NCOA1: variants seen among roughly 807,000 people sequenced by gnomAD.
NCOA1 encodes nuclear receptor coactivator 1.
In NCOA1, 35 loss-of-function variants were observed where a neutral mutation model predicts 150.9. The ratio of observed to expected loss-of-function variants is 0.23; its 90% CI spans 0.18 to 0.31. NCOA1 has a LOEUF of 0.31. Ranked by LOEUF, NCOA1 falls within the 10% of genes least tolerant of loss-of-function variation. The pLI, the probability that NCOA1 is intolerant of heterozygous loss-of-function variation, is 1.00. For synonymous variants in NCOA1, 590 were observed against 630.0 expected, an observed-to-expected ratio of 0.94 and a Z score of 0.95; for missense variants, 1,491 against 1,749.3, an observed-to-expected ratio of 0.85 and a Z score of 2.63.
At chr2:24,666,249 C>T (rs980944217) in intron 6 of NCOA1, among the ~76,000 whole-genome samples, 18 of 151,950 alleles carry the variant, frequency 1.2e-4, no homozygotes, top group Non-Finnish European at 1.9e-4. Context: ...CTCCTGACCT[C>T]GTGATCCGCC....
intron 1 of NCOA1, among the ~76,000 whole-genome samples, chr2:24,519,720 G>A (rs1664346102): frequency 6.6e-6 from 1 of 151,720 alleles, no homozygotes; most frequent in African/African-American, 2.4e-5. Context: ...GCATAGTCTC[G>A]GGAGGCTGAG....
chr2:24,593,473 A>C (rs1667742778), intron 3 of NCOA1, among the ~76,000 whole-genome samples: 1 of 152,084 alleles, frequency 6.6e-6, no homozygotes, highest in Non-Finnish European at 1.5e-5. Context: ...TGTGAAAGGA[A>C]ACTCCAAATG....
chr2:24,608,245 CCTATTATTA>C (rs1201754304), intron 3 of NCOA1, among the ~76,000 whole-genome samples: 18 of 127,550 alleles, frequency 1.4e-4, no homozygotes. Context: ...ACCCAGTTCC[CCTATTATTA>C]TTATTATTAT....
At chr2:24,505,703 T>C (rs1421952718) in intron 1 of NCOA1, among the ~76,000 whole-genome samples, 1 of 152,142 alleles carries the variant, frequency 6.6e-6, no homozygotes, top group Non-Finnish European at 1.5e-5. Context: ...GCCCAAGGGA[T>C]GGGCATGTGA....
intron 17 of NCOA1, 99 bp from the exon 18 acceptor site, chr2:24,739,333 A>G: frequency 1.1e-6 from 1 of 873,374 alleles, no homozygotes; most frequent in Non-Finnish European, 1.8e-6. Flanking sequence ...CTGCAACACT[A>G]AAACTTTTTA....
At chr2:24,675,862 G>A (rs759815322) in intron 7 of NCOA1, among the ~76,000 whole-genome samples, 17 of 152,124 alleles carry the variant, frequency 1.1e-4, no homozygotes, top group East Asian at 1.9e-4. Context: ...TCCAGCCTGC[G>A]CAACAGAGTG....
At chr2:24,628,819 G>A (rs1013354871) in intron 3 of NCOA1, among the ~76,000 whole-genome samples, 1 of 152,186 alleles carries the variant, frequency 6.6e-6, no homozygotes, top group Non-Finnish European at 1.5e-5. Flanking sequence ...GGGAATAGGA[G>A]AAACTTTTAG....
At chr2:24,711,606 C>T (rs1204753303) in intron 14 of NCOA1, 4 of 152,300 alleles carry the variant, frequency 2.6e-5, no homozygotes, top group African/African-American at 7.2e-5. Context: ...CCAACATTTC[C>T]CAAACTTTCC....
At chr2:24,524,782 G>A (rs950948079) in intron 1 of NCOA1, among the ~76,000 whole-genome samples, 2 of 151,838 alleles carry the variant, frequency 1.3e-5, no homozygotes, top group Non-Finnish European at 2.9e-5. Context: ...TAATTTTTTG[G>A]TAATTTTGAT....
intron 17 of NCOA1, among the ~76,000 whole-genome samples, chr2:24,730,429 A>G (rs1662945147): frequency 6.6e-6 from 1 of 152,242 alleles, no homozygotes. Context: ...GGGGAACATC[A>G]TACAATTATT....
At chr2:24,566,944 G>A (rs1666537094) in intron 2 of NCOA1, among the ~76,000 whole-genome samples, 1 of 152,208 alleles carries the variant, frequency 6.6e-6, no homozygotes, top group East Asian at 1.9e-4. Flanking sequence ...AGAAGTCTGG[G>A]TCCACAGTGG....
At chr2:24,609,425 T>C (rs1668522414) in intron 3 of NCOA1, among the ~76,000 whole-genome samples, 2 of 152,352 alleles carry the variant, frequency 1.3e-5, no homozygotes, top group South Asian at 4.1e-4. Flanking sequence ...TATTATTTTC[T>C]TTCTTGATCT....
intron 8 of NCOA1, among the ~76,000 whole-genome samples, chr2:24,687,447 C>G (rs1672459981): frequency 6.6e-6 from 1 of 151,580 alleles, no homozygotes; most frequent in Non-Finnish European, 1.5e-5. Flanking sequence ...GTTTGTTGTA[C>G]AGATTATTTC....
At chr2:24,687,809 G>A (rs1181355775) in intron 8 of NCOA1, among the ~76,000 whole-genome samples, 1 of 152,140 alleles carries the variant, frequency 6.6e-6, no homozygotes, top group African/African-American at 2.4e-5. Context: ...TACAGTTTGA[G>A]ATGAGATTTG....
intron 11 of NCOA1, among the ~76,000 whole-genome samples, chr2:24,703,026 G>A (rs765870372): frequency 1.3e-5 from 2 of 152,102 alleles, no homozygotes; most frequent in African/African-American, 2.4e-5. Context: ...TGGAAGCTGC[G>A]TATTTGTTGG....
intron 14 of NCOA1, among the ~76,000 whole-genome samples, chr2:24,712,772 A>C (rs755975513): frequency 4.9e-4 from 74 of 152,244 alleles, no homozygotes; most frequent in Middle Eastern, 6.8e-3. Flanking sequence ...CTTGGAAATT[A>C]GGTATCCAAC....
At chr2:24,507,435 G>GTTTTTTTTTTTTTTTTTTTTTTT (rs10651704) in intron 1 of NCOA1, among the ~76,000 whole-genome samples, 1 of 126,526 alleles carries the variant, frequency 7.9e-6, no homozygotes, top group Non-Finnish European at 1.6e-5. Flanking sequence ...GAGCTGCTGG[G>GTTTTTTTTTTTTTTTTTTTTTTT]TTTTTTTTTT....
Position 24,691,588 on chromosome 2 carries a change from G to C in NCOA1, c.640G>C (p.Ala214Pro). ...TGAGCCAGGGACCGAGAACCAAGAA[G>C]CTTGCCAGCGTTATGAAGTAATGCA... ...PDEPGTENQE[A>P]CQRYEVMQCF... Residue 214 changes from alanine (A) to proline (P), a missense_variant, in exon 9 of 23, where the codon GCT (alanine) becomes CCT (proline). Ala to Pro is a conservative substitution (Grantham distance 27, BLOSUM62 -1). Around this residue, in one of 8 missense-constraint regions of NCOA1, gnomAD observed 99 missense variants for 122.8 expected, o/e 0.81. Transcript: ENST00000348332. 6.2e-7 allele frequency: 1 copy of C among 1,614,164 alleles called. No homozygotes were observed.
chr2:24,607,139 C>G (rs1170347122), intron 3 of NCOA1, among the ~76,000 whole-genome samples: 1 of 150,162 alleles, frequency 6.7e-6, no homozygotes, highest in East Asian at 1.9e-4. Context: ...TTGGGAAACC[C>G]TGAATTTTGG....
Sources: gnomAD v4.1 joint callset for allele counts (sites outside exome capture counted in the v4.1 genomes callset) on GRCh38, gnomAD v4.1.1 for gene constraint, gnomAD v4.1.1 regional missense constraint, MANE v1.5 for transcripts, NCBI Gene and HGNC (gene_info 2026-07-23, HGNC 2026-07-21) for gene names.